UBR2: variants seen among roughly 807,000 people sequenced by gnomAD.
The protein encoded by UBR2 is E3 ubiquitin-protein ligase UBR2.
A neutral mutation model predicts 247.9 loss-of-function variants in UBR2; 92 were observed. The observed-to-expected ratio is 0.37, with a 90% CI of 0.31 to 0.44. The LOEUF (loss-of-function observed/expected upper bound fraction) is 0.44, where lower values mean the gene tolerates loss of function less well. UBR2 is among the 20% of genes least tolerant of loss of function. The pLI, the probability that UBR2 is intolerant of heterozygous loss-of-function variation, is 1.00. For missense variants in UBR2, 1,613 were observed against 2,112.6 expected, an observed-to-expected ratio of 0.76 and a Z score of 4.64; for synonymous variants, 672 against 693.5, an observed-to-expected ratio of 0.97 and a Z score of 0.49.
intron 26 of UBR2, 42 bp from the exon 27 acceptor site, chr6:42,657,982 G>A (rs1421920479): frequency 7.0e-7 from 1 of 1,425,802 alleles, no homozygotes; most frequent in Admixed American, 1.7e-5. Flanking sequence ...GTACTATGAA[G>A]TATTAGCTAT....
In UBR2 at chr6:42,632,789, C is replaced by A; in HGVS notation, c.1446-16C>A. 6.3e-7 allele frequency: 1 copy of A among 1,592,454 alleles called. No individual in the cohort carries two copies. Among genetic ancestry groups the A allele is most frequent in the Non-Finnish European group, 8.5e-7 (1 of 1,173,576 alleles). ...ATGTTTATGTTAATTGCCACTGTCA[C>A]TTTTATCTTGTTCAGGTATGTGTTA... On this transcript the variant is annotated splice_polypyrimidine_tract_variant and intron_variant, in intron 12 of 46. Transcript: ENST00000372901.
At chr6:42,640,383 G>GGTGTGTGTGTGTGTGTGT (rs61668810) in intron 16 of UBR2, 113 bp downstream of exon 16, 4 of 174,370 alleles carry the variant, frequency 2.3e-5, no homozygotes, top group South Asian at 5.8e-5. Context: ...GAACCAGTAA[G>GGTGTGTGTGTGTGTGTGT]GTGTGTGTGT....
intron 38 of UBR2, among the ~76,000 whole-genome samples, chr6:42,675,649 G>A (rs1356481443): frequency 6.6e-6 from 1 of 152,092 alleles, no homozygotes; most frequent in Non-Finnish European, 1.5e-5. Flanking sequence ...CTGAACTCAG[G>A]AGGGATCACA....
At chr6:42,580,205 C>T (rs1358968065) in intron 2 of UBR2, among the ~76,000 whole-genome samples, 1 of 152,162 alleles carries the variant, frequency 6.6e-6, no homozygotes. Flanking sequence ...ACACTGCTCT[C>T]TCTGACCTGG....
chr6:42,654,235 G>A (rs1019354399), intron 25 of UBR2, among the ~76,000 whole-genome samples: 2 of 152,186 alleles, frequency 1.3e-5, no homozygotes, highest in African/African-American at 2.4e-5. Context: ...TAGTACAGCT[G>A]TACTAGCTGT....
chr6:42,602,440 G>C (rs1031981825), intron 4 of UBR2, among the ~76,000 whole-genome samples: 4 of 151,806 alleles, frequency 2.6e-5, no homozygotes, highest in African/African-American at 4.8e-5. Context: ...CTGACCTCGC[G>C]ATCCGCCTGC....
chr6:42,690,216 A>T (rs535338083), intron 46 of UBR2, among the ~76,000 whole-genome samples: 1 of 152,332 alleles, frequency 6.6e-6, no homozygotes, highest in Non-Finnish European at 1.5e-5. Flanking sequence ...TGTCTAAAGG[A>T]GGTATAAGTT....
chr6:42,586,444 G>C (rs1792266899), intron 2 of UBR2, among the ~76,000 whole-genome samples: 1 of 151,638 alleles, frequency 6.6e-6, no homozygotes, highest in Non-Finnish European at 1.5e-5. Flanking sequence ...GGTATATTTT[G>C]CAGTTGTTGG....
intron 15 of UBR2, among the ~76,000 whole-genome samples, chr6:42,639,332 C>A (rs1364117103): frequency 1.3e-5 from 2 of 152,232 alleles, no homozygotes; most frequent in Non-Finnish European, 2.9e-5. Context: ...GTGGCTCATG[C>A]CTGTAATCCC....
intron 15 of UBR2, 135 bp downstream of exon 15, chr6:42,637,329 A>G (rs1375878587): frequency 9.9e-7 from 1 of 1,009,978 alleles, no homozygotes; most frequent in Non-Finnish European, 1.4e-6. Context: ...CAATCATCAC[A>G]TCGTCCTGTG....
chr6:42,634,316 TG>T (rs1325306112), intron 13 of UBR2: 1 of 398,212 alleles, frequency 2.5e-6, no homozygotes, highest in Non-Finnish European at 4.9e-6. Flanking sequence ...CAGTTATAAC[TG>T]TAAGAAGATA....
intron 40 of UBR2, 100 bp from the exon 41 acceptor site, chr6:42,678,439 A>T (rs1188683125): frequency 7.6e-7 from 1 of 1,324,206 alleles, no homozygotes; most frequent in Non-Finnish European, 1.0e-6. Flanking sequence ...TTAAGCATAC[A>T]TGCCATCAGT....
At chr6:42,679,421 A>C (rs1219057313) in intron 41 of UBR2, among the ~76,000 whole-genome samples, 1 of 152,256 alleles carries the variant, frequency 6.6e-6, no homozygotes, top group Non-Finnish European at 1.5e-5. Context: ...CATTTTTATC[A>C]TTTAATGTTC....
chr6:42,671,446 T>G (rs1056656127), intron 36 of UBR2, among the ~76,000 whole-genome samples: 1 of 151,742 alleles, frequency 6.6e-6, no homozygotes, highest in East Asian at 1.9e-4. Context: ...AGCAGAAGAA[T>G]GTATATTCTA....
At chr6:42,599,033 C>G (rs1260907394) in intron 4 of UBR2, among the ~76,000 whole-genome samples, 1 of 152,078 alleles carries the variant, frequency 6.6e-6, no homozygotes, top group African/African-American at 2.4e-5. Context: ...GCAGAGTCAT[C>G]CTGTCTCAGC....
In UBR2 at chr6:42,632,961, T is replaced by C. The variant is rs1400616579; in HGVS notation, c.1545+57T>C. The C allele has an allele frequency of 7.1e-4, 741 of 1,044,940 alleles. 1 individual carries two copies. The highest frequency in any genetic ancestry group is 1.4e-3 in the Middle Eastern group (4 of 2,948). The allele number at this position is 1,044,940 out of a possible 1,614,324, so 64.7% of individuals were successfully genotyped here. On this transcript the variant is annotated intron_variant, in intron 13 of 46. Transcript: ENST00000372901. ...CTTTTTTTTTTTTCTCTTTTCTCTT[T>C]TTTTTTTTTTTTTTAATTTTTCTTT... is the stretch of plus-strand genomic sequence containing the variant.
At chr6:42,592,045 A>G (rs946700613) in intron 2 of UBR2, 106 bp from the exon 3 acceptor site, 17 of 1,107,634 alleles carry the variant, frequency 1.5e-5, no homozygotes, top group Non-Finnish European at 1.9e-5. Flanking sequence ...ACACCAAAAA[A>G]CTTCACGTTT....
intron 2 of UBR2, among the ~76,000 whole-genome samples, chr6:42,583,904 T>G (rs971072591): frequency 3.3e-5 from 5 of 152,176 alleles, no homozygotes; most frequent in African/African-American, 1.2e-4. Flanking sequence ...ACTAAATTTT[T>G]TATATGGCTT....
intron 8 of UBR2, 46 bp downstream of exon 8, chr6:42,612,337 C>A (rs531497312): frequency 1.1e-5 from 15 of 1,427,232 alleles, no homozygotes; most frequent in African/African-American, 1.4e-5. Flanking sequence ...AAAATGAGCT[C>A]AATATGCTGT....
Sources: gnomAD v4.1 joint callset for allele counts (sites outside exome capture counted in the v4.1 genomes callset) on GRCh38, gnomAD v4.1.1 for gene constraint, MANE v1.5 for transcripts, NCBI Gene and HGNC (gene_info 2026-07-23, HGNC 2026-07-21) for gene names.